The following FAM227B variants were observed in gnomAD, a reference collection of about 807,000 sequenced individuals.
FAM227B encodes family with sequence similarity 227 member B.
Under a neutral mutation model 73.8 loss-of-function variants are expected in FAM227B, and 88 were observed. The ratio of observed to expected loss-of-function variants is 1.19; its 90% confidence interval spans 1.00 to 1.42. The LOEUF is 1.42. FAM227B is among the 40% of genes most tolerant of loss of function. FAM227B has a pLI of 0.00. For missense variants in FAM227B, 632 were observed against 590.9 expected, an observed-to-expected ratio of 1.07 and a Z score of -0.72; for synonymous variants, 210 against 190.5, an observed-to-expected ratio of 1.10 and a Z score of -0.84.
chr15:49,452,515 T>C (rs2052853756), intron 11 of FAM227B, among the ~76,000 whole-genome samples: 2 of 152,222 alleles, frequency 1.3e-5, no homozygotes, highest in Non-Finnish European at 2.9e-5. Flanking sequence ...TATTTTCTGG[T>C]TCTTCATAAA....
At chr15:49,342,946 A>G (rs2040955548) in intron 13 of FAM227B, among the ~76,000 whole-genome samples, 1 of 152,100 alleles carries the variant, frequency 6.6e-6, no homozygotes, top group African/African-American at 2.4e-5. Context: ...AGCTGCTTTT[A>G]AGATTTTTTC....
intron 9 of FAM227B, among the ~76,000 whole-genome samples, chr15:49,563,722 C>T (rs994336107): frequency 2.6e-5 from 4 of 151,832 alleles, no homozygotes; most frequent in Non-Finnish European, 4.4e-5. Flanking sequence ...AACAAGTAGA[C>T]AAAACAAGCA....
At chr15:49,431,347 A>G (rs1464473952) in intron 11 of FAM227B, among the ~76,000 whole-genome samples, 2 of 151,824 alleles carry the variant, frequency 1.3e-5, no homozygotes, top group Non-Finnish European at 2.9e-5. Context: ...ACATATCTTT[A>G]GTAGAGAAGT....
intron 9 of FAM227B, among the ~76,000 whole-genome samples, chr15:49,561,043 C>T (rs964645422): frequency 1.3e-5 from 2 of 152,058 alleles, no homozygotes; most frequent in African/African-American, 4.8e-5. Context: ...TTACTTTGAA[C>T]GTATATTGTC....
At chr15:49,352,517 C>T (rs1466787471) in intron 13 of FAM227B, among the ~76,000 whole-genome samples, 1 of 152,346 alleles carries the variant, frequency 6.6e-6, no homozygotes, top group South Asian at 2.1e-4. Flanking sequence ...CATCCCACCC[C>T]AGCAGCTGAA....
At chr15:49,554,242 G>A (rs1312343483) in intron 9 of FAM227B, among the ~76,000 whole-genome samples, 1 of 152,150 alleles carries the variant, frequency 6.6e-6, no homozygotes, top group East Asian at 1.9e-4. Context: ...TTTCAGAGCT[G>A]TGAGCTGTGC....
intron 11 of FAM227B, among the ~76,000 whole-genome samples, chr15:49,408,432 T>C (rs1165962802): frequency 1.3e-5 from 2 of 152,244 alleles, no homozygotes; most frequent in Non-Finnish European, 2.9e-5. Flanking sequence ...TGCTTAGCCA[T>C]TGGTGGGTCA....
intron 11 of FAM227B, among the ~76,000 whole-genome samples, chr15:49,420,694 T>A (rs2049548546): frequency 6.6e-6 from 1 of 152,186 alleles, no homozygotes; most frequent in Admixed American, 6.6e-5. Flanking sequence ...TACATGATTA[T>A]GAACGAGGCA....
chr15:49,541,057 T>C (rs975330608), intron 10 of FAM227B, among the ~76,000 whole-genome samples: 5 of 152,306 alleles, frequency 3.3e-5, no homozygotes, highest in African/African-American at 9.6e-5. Context: ...ACAAGAACTA[T>C]GTGAAAACAG....
rs374902152 is a variant in FAM227B at position 49,548,021 on chromosome 15, A to G, written c.748-6215T>C. Among the ~76,000 whole-genome samples the G allele has an allele frequency of 4.6e-5, 7 of 152,306 alleles. No individual in the cohort carries two copies. In the East Asian group the frequency reaches 1.2e-3, roughly 25 times the overall value. ...GTCTACCAACAACTTCAGAATATACATTCTCTTCATCAGCAGATGGAATTC... is the reference window on the plus strand; with the variant it reads ...GTCTACCAACAACTTCAGAATATACGTTCTCTTCATCAGCAGATGGAATTC... On this transcript the variant is annotated intron_variant, in intron 9 of 15. Transcript: ENST00000299338.
chr15:49,619,698 T>G (rs1158401335), intron 1 of FAM227B, among the ~76,000 whole-genome samples: 1 of 152,238 alleles, frequency 6.6e-6, no homozygotes, highest in Non-Finnish European at 1.5e-5. Context: ...TATTTGCTTT[T>G]TAATCTGTGC....
intron 13 of FAM227B, among the ~76,000 whole-genome samples, chr15:49,360,932 C>T (rs1200116947): frequency 6.6e-6 from 1 of 152,116 alleles, no homozygotes; most frequent in Non-Finnish European, 1.5e-5. Flanking sequence ...TCAGTGTTTA[C>T]ATGTGAATCC....
At chr15:49,439,345 A>C (rs2051411278) in intron 11 of FAM227B, among the ~76,000 whole-genome samples, 1 of 151,660 alleles carries the variant, frequency 6.6e-6, no homozygotes, top group African/African-American at 2.4e-5. Flanking sequence ...AGAATCTTTA[A>C]GATGGAAATT....
chr15:49,445,689 A>G (rs2052132960), intron 11 of FAM227B, among the ~76,000 whole-genome samples: 1 of 151,582 alleles, frequency 6.6e-6, no homozygotes, highest in Non-Finnish European at 1.5e-5. Context: ...AAAATATAGA[A>G]AAGTATATGA....
chr15:49,354,755 G>T (rs902017451), intron 13 of FAM227B, among the ~76,000 whole-genome samples: 1 of 152,074 alleles, frequency 6.6e-6, no homozygotes, highest in African/African-American at 2.4e-5. Context: ...AAGGAGGCCT[G>T]CCTGCCTCTG....
intron 11 of FAM227B, chr15:49,483,145 T>C (rs1270913689): frequency 4.7e-6 from 7 of 1,484,132 alleles, no homozygotes; most frequent in Non-Finnish European, 4.6e-6. Flanking sequence ...CTGTGATTCC[T>C]TGCAGATATC....
At chr15:49,606,486 C>T (rs762973195) in intron 3 of FAM227B, among the ~76,000 whole-genome samples, 2 of 152,188 alleles carry the variant, frequency 1.3e-5, no homozygotes, top group Non-Finnish European at 2.9e-5. Context: ...CTCTTCCTTA[C>T]GTGGATATCC....
intron 11 of FAM227B, among the ~76,000 whole-genome samples, chr15:49,497,334 A>C (rs1204251161): frequency 6.6e-6 from 1 of 152,202 alleles, no homozygotes; most frequent in East Asian, 1.9e-4. Context: ...CTCCACAATG[A>C]TGACTGTGTC....
intron 13 of FAM227B, chr15:49,343,789 G>A (rs1319885371): frequency 6.6e-6 from 1 of 152,154 alleles, no homozygotes; most frequent in Non-Finnish European, 1.5e-5. Flanking sequence ...ATTGTCTTCA[G>A]GCATCACATG....
Sources: gnomAD v4.1 joint callset for allele counts (sites outside exome capture counted in the v4.1 genomes callset) on GRCh38, gnomAD v4.1.1 for gene constraint, MANE v1.5 for transcripts, NCBI Gene and HGNC (gene_info 2026-07-23, HGNC 2026-07-21) for gene names.